Variants in TIAM1 observed in about 807,000 individuals in gnomAD.
TIAM1 encodes rho guanine nucleotide exchange factor TIAM1.
A neutral mutation model predicts 163.5 loss-of-function variants in TIAM1; 65 were observed. The observed-to-expected ratio is 0.40, with a 90% CI of 0.33 to 0.49. TIAM1 has a LOEUF of 0.49. TIAM1 is among the 20% of genes least tolerant of loss of function. TIAM1 has a pLI of 0.77. For missense variants in TIAM1, 1,789 were observed against 2,044.7 expected, an observed-to-expected ratio of 0.87 and a Z score of 2.41; for synonymous variants, 833 against 810.1, an observed-to-expected ratio of 1.03 and a Z score of -0.48.
At chr21:31,418,846 G>A (rs552064525) in intron 2 of TIAM1, among the ~76,000 whole-genome samples, 60 of 152,288 alleles carry the variant, frequency 3.9e-4, no homozygotes, top group African/African-American at 1.3e-3. Flanking sequence ...GCAGGGTGGC[G>A]AGGCCTCTTA....
intron 2 of TIAM1, among the ~76,000 whole-genome samples, chr21:31,449,775 C>CAAA (rs1173586217): frequency 2.6e-5 from 4 of 152,336 alleles, no homozygotes; most frequent in African/African-American, 9.6e-5. Context: ...TGTCACAACT[C>CAAA]CCTTTTCTTT....
intron 2 of TIAM1, among the ~76,000 whole-genome samples, chr21:31,359,143 C>T (rs1169852070): frequency 2.0e-5 from 3 of 152,196 alleles, no homozygotes; most frequent in African/African-American, 7.2e-5. Context: ...GAACTGCCCA[C>T]CCACCCAAAG....
chr21:31,501,033 G>T (rs529945326), intron 1 of TIAM1, among the ~76,000 whole-genome samples: 1 of 152,098 alleles, frequency 6.6e-6, no homozygotes, highest in Admixed American at 6.5e-5. Context: ...TTGCTAACAC[G>T]CCCTGGCAGC....
chr21:31,524,297 C>T (rs1490470049), intron 1 of TIAM1, among the ~76,000 whole-genome samples: 1 of 152,080 alleles, frequency 6.6e-6, no homozygotes, highest in African/African-American at 2.4e-5. Flanking sequence ...TCTCACATGG[C>T]AGAGGAGGAG....
At chr21:31,195,866 G>A (rs973565133) in intron 12 of TIAM1, among the ~76,000 whole-genome samples, 2 of 151,948 alleles carry the variant, frequency 1.3e-5, no homozygotes, top group African/African-American at 4.8e-5. Context: ...GCCCAAGAAA[G>A]GAAATAACTT....
At chr21:31,272,887 T>C (rs571111921) in intron 3 of TIAM1, among the ~76,000 whole-genome samples, 1 of 152,092 alleles carries the variant, frequency 6.6e-6, no homozygotes, top group African/African-American at 2.4e-5. Context: ...AACAGAACAG[T>C]GGTCCAAAAT....
At chr21:31,284,881 T>G (rs188014643) in intron 2 of TIAM1, among the ~76,000 whole-genome samples, 1 of 151,978 alleles carries the variant, frequency 6.6e-6, no homozygotes, top group African/African-American at 2.4e-5. Flanking sequence ...CCAAGGGACA[T>G]GGCCCAACAT....
intron 1 of TIAM1, among the ~76,000 whole-genome samples, chr21:31,479,393 AT>A (rs2046035676): frequency 6.6e-6 from 1 of 151,260 alleles, no homozygotes; most frequent in Admixed American, 6.6e-5. Flanking sequence ...GGATGGATGG[AT>A]GGATGGACGG....
intron 10 of TIAM1, among the ~76,000 whole-genome samples, chr21:31,210,729 GAGAA>G (rs2086802187): frequency 3.3e-5 from 3 of 90,880 alleles, no homozygotes; most frequent in East Asian, 3.9e-4. Context: ...AAGAAAGAAA[GAGAA>G]AGAAGGAAGG....
chr21:31,430,920 A>G (rs149528394), intron 2 of TIAM1, among the ~76,000 whole-genome samples: 178 of 152,338 alleles, frequency 1.2e-3, no homozygotes, highest in African/African-American at 4.1e-3. Flanking sequence ...GTTTTCCAGA[A>G]GAAAAGCCAA....
intron 14 of TIAM1, among the ~76,000 whole-genome samples, chr21:31,184,143 T>C (rs567834037): frequency 2.5e-4 from 38 of 151,950 alleles, no homozygotes; most frequent in Non-Finnish European, 4.4e-4. Flanking sequence ...TTTGCTCTTG[T>C]TGTCCAGGCT....
rs773836222 is a variant in TIAM1 at position 31,245,640 on chromosome 21, C to T, written c.1432G>A (p.Glu478Lys). ...TCTATCCCAGACCTGCCGTCGCTCT[C>T]GTAGAAAAATAGCGTGCATCCTGAG... ...SLKGCTLFFY[E>K]SDGRSGIDHN... The change falls in exon 6 of 28, where the codon GAG becomes AAG. Residue 478 changes from glutamate to lysine, a missense_variant. Around this residue, in one of 5 missense-constraint regions of TIAM1, gnomAD observed 456 missense variants for 586.6 expected, o/e 0.78. Coordinates refer to ENST00000541036, the MANE Select transcript of TIAM1 (RefSeq NM_001353694.2). 10 of 1,581,392 alleles carry T rather than the reference C, an allele frequency of 6.3e-6. No homozygotes were observed. Among genetic ancestry groups the T allele is most frequent in the Middle Eastern group, 1.7e-4 (1 of 5,946 alleles).
chr21:31,430,448 C>T (rs1458491466), intron 2 of TIAM1, among the ~76,000 whole-genome samples: 1 of 151,788 alleles, frequency 6.6e-6, no homozygotes, highest in Non-Finnish European at 1.5e-5. Flanking sequence ...TGATTTAAGG[C>T]CACCTGCAAC....
Position 31,152,466 on chromosome 21 carries a change from T to C in TIAM1, c.3366+170A>G, listed in dbSNP as rs186025366. 4.1e-3 allele frequency among the ~76,000 whole-genome samples: 626 copies of C among 152,326 alleles called. 4 individuals are homozygous for C. Among genetic ancestry groups the C allele is most frequent in the South Asian group, 0.016 (78 of 4,832 alleles). ...ACCAGTTTAATGCAAATTGATGGCA[T>C]TGGGCTTCCCTTAGCCAGACCAGCA... On this transcript the variant is annotated intron_variant, in intron 19 of 27. Transcript: ENST00000541036.
intron 2 of TIAM1, among the ~76,000 whole-genome samples, chr21:31,315,269 CTTTGGGAGGCCGA>C (rs955719353): frequency 2.0e-5 from 3 of 152,032 alleles, no homozygotes; most frequent in Non-Finnish European, 4.4e-5. Context: ...AATCCCAGCA[CTTTGGGAGGCCGA>C]AGCGGGCAGA....
chr21:31,149,219 A>G (rs1218481710), intron 19 of TIAM1, among the ~76,000 whole-genome samples: 1 of 152,216 alleles, frequency 6.6e-6, no homozygotes, highest in African/African-American at 2.4e-5. Flanking sequence ...GTGATGGTTG[A>G]GTATGGAAGT....
Position 31,152,690 on chromosome 21 carries a change from A to G in TIAM1, c.3312T>C (p.Asp1104=), listed in dbSNP as rs766895915. Reference sequence around the variant, plus strand: ...CCAAATCAGGTACCAGTCTCACTCCATCTTCTAGAGTTTTAAGGAATTCTA... The same window carrying G: ...CCAAATCAGGTACCAGTCTCACTCCGTCTTCTAGAGTTTTAAGGAATTCTA... ...FQVEFLKTLE[D]GVRLVPDLEK... is the part of the protein sequence containing the mutation. The change falls in exon 19 of 28, where the codon GAT becomes GAC. Residue 1104 remains aspartate (D), a synonymous_variant. Coordinates refer to ENST00000541036, the MANE Select transcript of TIAM1 (RefSeq NM_001353694.2). 6.4e-5 allele frequency: 104 copies of G among 1,614,080 alleles called. No individual in the cohort carries two copies. The highest frequency in any genetic ancestry group is 8.8e-5 in the Non-Finnish European group (104 of 1,180,036).
intron 4 of TIAM1, among the ~76,000 whole-genome samples, chr21:31,255,717 G>C (rs1004057527): frequency 6.6e-6 from 1 of 152,250 alleles, no homozygotes; most frequent in Non-Finnish European, 1.5e-5. Context: ...AGGACATCAA[G>C]GGAGATGGTA....
chr21:31,367,799 T>C (rs1204880983), intron 2 of TIAM1, among the ~76,000 whole-genome samples: 2 of 152,228 alleles, frequency 1.3e-5, no homozygotes, highest in South Asian at 4.1e-4. Context: ...GTTGGTATTA[T>C]ATTTTCCACA....
Sources: allele counts gnomAD v4.1 joint callset (sites outside exome capture counted in the v4.1 genomes callset), GRCh38; gene constraint gnomAD v4.1.1; regional missense constraint gnomAD v4.1.1; transcripts MANE v1.5; gene names NCBI Gene and HGNC (gene_info 2026-07-23, HGNC 2026-07-21).